CPED1: variants seen among roughly 807,000 people sequenced by gnomAD.
CPED1 encodes the protein cadherin-like and PC-esterase domain-containing protein 1.
In CPED1, 114 loss-of-function variants were observed where a neutral mutation model predicts 128.2. That is an observed-to-expected ratio of 0.89 (90% confidence interval 0.76 to 1.04). The LOEUF (loss-of-function observed/expected upper bound fraction) is 1.04. Ranked by LOEUF, CPED1 falls within the 50% of genes least tolerant of loss-of-function variation. The pLI is 0.00. For missense variants in CPED1, 1,211 were observed against 1,207.1 expected (o/e 1.00, Z -0.05); for synonymous variants, 462 against 426.7 (o/e 1.08, Z -1.02).
rs267601250 is a variant in CPED1 at position 121,127,158 on chromosome 7, C to T, written c.1203C>T (p.Phe401=). Reference sequence around the variant, plus strand: ...TTGAGGACCAAAATACAGAAGAATTCCTTTTAAATGACACTTTCAATTTTC... The same window carrying T: ...TTGAGGACCAAAATACAGAAGAATTTCTTTTAAATGACACTTTCAATTTTC... The part of the protein sequence containing the change: ...MDFEDQNTEE[F]LLNDTFNFLF... The change falls in exon 10 of 23, where the codon TTC becomes TTT. Residue 401 remains phenylalanine (F), a synonymous_variant. Coordinates refer to ENST00000310396, the MANE Select transcript of CPED1 (RefSeq NM_024913.5). The T allele has an allele frequency of 2.5e-6, 4 of 1,594,986 alleles. No homozygotes were observed. Among genetic ancestry groups the T allele is most frequent in the Non-Finnish European group, 2.6e-6 (3 of 1,165,122 alleles).
At chr7:121,148,324 G>GGT (rs763736516) in intron 16 of CPED1, among the ~76,000 whole-genome samples, 6 of 152,196 alleles carry the variant, frequency 3.9e-5, no homozygotes, top group Non-Finnish European at 8.8e-5. Flanking sequence ...CGAGGTAATA[G>GGT]GTGTAGTAGC....
At chr7:121,020,790 A>G (rs1792420169) in intron 3 of CPED1, among the ~76,000 whole-genome samples, 1 of 151,982 alleles carries the variant, frequency 6.6e-6, no homozygotes, top group Admixed American at 6.6e-5. Flanking sequence ...CTCAGGAAGA[A>G]GGAACCATTA....
chr7:121,169,784 A>T (rs1008139083), intron 16 of CPED1, among the ~76,000 whole-genome samples: 1 of 152,218 alleles, frequency 6.6e-6, no homozygotes, highest in African/African-American at 2.4e-5. Flanking sequence ...TAGTGCTGAA[A>T]TGTGATTTCC....
intron 16 of CPED1, among the ~76,000 whole-genome samples, chr7:121,144,045 T>C (rs1276361012): frequency 1.3e-5 from 2 of 152,054 alleles, no homozygotes; most frequent in East Asian, 1.9e-4. Context: ...TAATGAATGC[T>C]AGCAAGGATG....
intron 5 of CPED1, among the ~76,000 whole-genome samples, chr7:121,082,897 ATTAT>A (rs1233753474): frequency 6.6e-6 from 1 of 152,206 alleles, no homozygotes; most frequent in African/African-American, 2.4e-5. Context: ...CTATTCTATT[ATTAT>A]TTATTATTCT....
At chr7:121,057,941 C>G (rs1469977967) in intron 4 of CPED1, among the ~76,000 whole-genome samples, 2 of 152,056 alleles carry the variant, frequency 1.3e-5, no homozygotes, top group African/African-American at 4.8e-5. Flanking sequence ...AGTTTAAGAT[C>G]ACCAAGAAAG....
At position 121,124,359 on chromosome 7, in the gene CPED1, G is replaced by C. The variant is rs747113701; in HGVS notation, c.947G>C (p.Arg316Thr). The C allele has an allele frequency of 6.2e-6, 10 of 1,609,186 alleles. No homozygotes were observed. Among genetic ancestry groups the C allele is most frequent in the Non-Finnish European group, 8.5e-6 (10 of 1,177,368 alleles). The change falls in exon 8 of 23, where the codon AGA (arginine) becomes ACA (threonine). Residue 316 changes from arginine to threonine, a missense_variant. Physicochemically the swap from Arg to Thr is moderately conservative, Grantham distance 71. Transcript: ENST00000310396. ...KLQTFFETFL[R>T]ASSPQQAFDI... ...CAAACATTTTTTGAGACATTCCTGA[G>C]AGCCAGTTCACCTCAACAGGCTTTT...
rs191951614 is a variant in CPED1 at position 121,197,077 on chromosome 7, G to A, written c.2056-39637G>A. 1.7e-4 allele frequency among the ~76,000 whole-genome samples: 26 copies of A among 150,482 alleles called. 1 individual carries two copies. The highest frequency in any genetic ancestry group is 2.4e-4 in the Non-Finnish European group (16 of 67,754). On this transcript the variant is annotated intron_variant, in intron 16 of 22. Transcript: ENST00000310396. ...TAGCTAATCCACAAGTTTCCAGTTC[G>A]TAGAGCTTTGTTTTTACTTTAGTTA...
intron 3 of CPED1, among the ~76,000 whole-genome samples, chr7:121,038,385 A>C (rs1032499104): frequency 6.6e-6 from 1 of 152,132 alleles, no homozygotes. Context: ...TTTTTTAAAA[A>C]TTGGAATTTA....
chr7:121,255,740 T>A (rs1048723623), intron 18 of CPED1, among the ~76,000 whole-genome samples: 1 of 152,076 alleles, frequency 6.6e-6, no homozygotes, highest in African/African-American at 2.4e-5. Flanking sequence ...TGTACAAAAC[T>A]CAGTAGCATT....
intron 5 of CPED1, among the ~76,000 whole-genome samples, chr7:121,087,462 A>G (rs985450032): frequency 3.9e-5 from 6 of 152,130 alleles, no homozygotes; most frequent in Admixed American, 3.9e-4. Flanking sequence ...CCTCTTTCTT[A>G]GAGAGGGAAG....
chr7:121,235,144 T>C (rs1006698778), intron 16 of CPED1, among the ~76,000 whole-genome samples: 6 of 152,116 alleles, frequency 3.9e-5, no homozygotes, highest in African/African-American at 1.2e-4. Flanking sequence ...TCTGGCCTTA[T>C]AAAAGATCCA....
At chr7:121,038,408 T>C (rs1478289591) in intron 3 of CPED1, among the ~76,000 whole-genome samples, 2 of 152,136 alleles carry the variant, frequency 1.3e-5, no homozygotes, top group South Asian at 4.1e-4. Context: ...TGTGGAAGAA[T>C]GCATGTTACA....
intron 15 of CPED1, 72 bp downstream of exon 15, chr7:121,141,085 G>A (rs1795892092): frequency 1.6e-6 from 2 of 1,278,662 alleles, no homozygotes; most frequent in South Asian, 3.6e-5. Context: ...AACTTTGAAA[G>A]TGGTTCAGAA....
intron 18 of CPED1, among the ~76,000 whole-genome samples, chr7:121,250,287 C>G (rs930840720): frequency 1.3e-4 from 19 of 151,802 alleles, no homozygotes; most frequent in Non-Finnish European, 1.6e-4. Context: ...AACAAAGACA[C>G]AACATACCAG....
chr7:121,178,967 A>G (rs1584573184), intron 16 of CPED1, among the ~76,000 whole-genome samples: 1 of 152,040 alleles, frequency 6.6e-6, no homozygotes, highest in East Asian at 1.9e-4. Context: ...GTCCAAGGAG[A>G]CAATCTATAT....
chr7:121,009,852 G>A (rs1181799793), intron 2 of CPED1, among the ~76,000 whole-genome samples: 6 of 152,036 alleles, frequency 3.9e-5, no homozygotes, highest in Admixed American at 3.9e-4. Context: ...AATATTTTAT[G>A]GTTTGAGATG....
intron 6 of CPED1, among the ~76,000 whole-genome samples, 161 bp from the exon 7 acceptor site, chr7:121,099,765 G>T (rs1794797168): frequency 6.6e-6 from 1 of 152,158 alleles, no homozygotes; most frequent in Admixed American, 6.6e-5. Context: ...CCACCTGGTG[G>T]TGATGCTAAT....
intron 2 of CPED1, among the ~76,000 whole-genome samples, chr7:121,007,230 C>CTTTTTTTTTTTTTTTT (rs147867549): frequency 3.5e-5 from 4 of 115,848 alleles, no homozygotes; most frequent in African/African-American, 3.2e-5. Flanking sequence ...GTTCAGGTTG[C>CTTTTTTTTTTTTTTTT]ATTTTTTTTT....
Sources: gnomAD v4.1 joint callset for allele counts (sites outside exome capture counted in the v4.1 genomes callset) on GRCh38, gnomAD v4.1.1 for gene constraint, MANE v1.5 for transcripts, NCBI Gene and HGNC (gene_info 2026-07-23, HGNC 2026-07-21) for gene names.